The following ZMAT4 variants were observed in gnomAD, a reference collection of about 807,000 sequenced individuals.
ZMAT4 encodes the protein zinc finger matrin-type protein 4.
Under a neutral mutation model 28.7 loss-of-function variants are expected in ZMAT4, and 17 were observed. The ratio of observed to expected loss-of-function variants is 0.59; its 90% CI spans 0.41 to 0.89. The LOEUF is 0.89. Among genes scored for constraint, ZMAT4 ranks in the 40% least tolerant of loss-of-function variants. ZMAT4 has a pLI of 0.00. For synonymous variants in ZMAT4, 117 were observed against 109.2 expected (o/e 1.07, Z -0.44); for missense variants, 240 against 283.8 (o/e 0.85, Z 1.11).
chr8:40,673,637 G>T (rs1054653100), intron 5 of ZMAT4, among the ~76,000 whole-genome samples: 1 of 152,150 alleles, frequency 6.6e-6, no homozygotes, highest in Admixed American at 6.5e-5. Flanking sequence ...ATGCAATTTT[G>T]CTGTACTTCT....
At chr8:40,567,928 A>G (rs1803974116) in intron 6 of ZMAT4, among the ~76,000 whole-genome samples, 1 of 152,108 alleles carries the variant, frequency 6.6e-6, no homozygotes, top group Non-Finnish European at 1.5e-5. Flanking sequence ...AGAATATACT[A>G]TCAGTGGTAG....
intron 5 of ZMAT4, among the ~76,000 whole-genome samples, chr8:40,646,304 T>C (rs993670811): frequency 6.6e-6 from 1 of 151,966 alleles, no homozygotes; most frequent in African/African-American, 2.4e-5. Context: ...TTTTAGACTA[T>C]CATTTTTATT....
rs558723304 is a variant in ZMAT4 at position 40,789,562 on chromosome 8, T to C, written c.103-21832A>G. ...TTTTAAAATAACTAGGAGAGTATAA[T>C]TGGACTGTTTGTAACACAAAGAAAA... On this transcript the variant is annotated intron_variant, in intron 2 of 6. Transcript: ENST00000297737. Among the ~76,000 whole-genome samples, 93 of 152,292 alleles carry C rather than the reference T, an allele frequency of 6.1e-4. 1 individual carries two copies. The highest frequency in any genetic ancestry group is 2.2e-3 in the African/African-American group (91 of 41,572).
At chr8:40,734,650 C>G (rs1267084379) in intron 3 of ZMAT4, among the ~76,000 whole-genome samples, 1 of 152,178 alleles carries the variant, frequency 6.6e-6, no homozygotes. Context: ...TCTCCCAACT[C>G]TCTGTAGAAA....
At chr8:40,599,295 C>A (rs1345231429) in intron 5 of ZMAT4, among the ~76,000 whole-genome samples, 2 of 152,012 alleles carry the variant, frequency 1.3e-5, no homozygotes, top group African/African-American at 2.4e-5. Context: ...CAATTTTGAT[C>A]TATAATTTAG....
chr8:40,774,906 A>C (rs1681647558), intron 2 of ZMAT4, among the ~76,000 whole-genome samples: 1 of 152,220 alleles, frequency 6.6e-6, no homozygotes, highest in African/African-American at 2.4e-5. Context: ...TCCAATAATC[A>C]GATGGAAAAA....
At chr8:40,808,469 T>A (rs1406763909) in intron 2 of ZMAT4, 3 of 433,786 alleles carry the variant, frequency 6.9e-6, no homozygotes, top group Non-Finnish European at 1.4e-5. Flanking sequence ...AACATCTTTC[T>A]AACGGTTGAC....
chr8:40,716,932 C>T (rs1345874008), intron 3 of ZMAT4, among the ~76,000 whole-genome samples: 1 of 152,164 alleles, frequency 6.6e-6, no homozygotes, highest in Non-Finnish European at 1.5e-5. Context: ...GCCTTTTCTC[C>T]TCCTGTTCCC....
intron 5 of ZMAT4, among the ~76,000 whole-genome samples, chr8:40,664,304 G>C (rs188266617): frequency 3.9e-5 from 6 of 152,100 alleles, no homozygotes; most frequent in Non-Finnish European, 1.5e-5. Context: ...GGAGACAAAG[G>C]CCTCTCACCA....
Position 40,847,220 on chromosome 8 carries a change from A to C in ZMAT4, c.-4-21540T>G, listed in dbSNP as rs1293132193. Among the ~76,000 whole-genome samples, 114 of 111,280 alleles carry C rather than the reference A, an allele frequency of 1.0e-3. 1 individual carries two copies. Among genetic ancestry groups the C allele is most frequent in the African/African-American group, 4.1e-3 (111 of 26,882 alleles). The allele number at this position is 111,280 out of a possible 152,430, so 73.0% of individuals were successfully genotyped here. ...TTCCATCTAAAAAAACAAACAAACA[A>C]AAAAAAAAAACTGGGGGAAATCCAG... On this transcript the variant is annotated intron_variant, in intron 1 of 6. Coordinates refer to ENST00000297737, the MANE Select transcript of ZMAT4 (RefSeq NM_024645.3).
intron 6 of ZMAT4, among the ~76,000 whole-genome samples, chr8:40,557,697 G>C (rs1476531430): frequency 6.6e-6 from 1 of 152,150 alleles, no homozygotes; most frequent in Non-Finnish European, 1.5e-5. Context: ...CTCTCTGGCT[G>C]TCTCTTCCCA....
intron 5 of ZMAT4, among the ~76,000 whole-genome samples, chr8:40,608,882 C>A (rs1805694884): frequency 6.6e-6 from 1 of 152,192 alleles, no homozygotes; most frequent in Admixed American, 6.5e-5. Flanking sequence ...TGTTCAGGGG[C>A]AGACTTTCCC....
chr8:40,794,706 CCCCAGTGGACACAGGTATT>C (rs1202349297), intron 2 of ZMAT4, among the ~76,000 whole-genome samples: 3 of 152,156 alleles, frequency 2.0e-5, no homozygotes, highest in African/African-American at 7.2e-5. Flanking sequence ...ACTCTCCTTT[CCCCAGTGGACACAGGTATT>C]CCCAGGTCAG....
rs1264275683 is a variant in ZMAT4, at chr8:40,536,892, AG to A, written c.675-4655del. 9.5e-5 allele frequency among the ~76,000 whole-genome samples: 14 copies of A among 146,638 alleles called. No individual in the cohort carries two copies. The South Asian group carries it at 1.6e-3, about 16-fold the overall frequency. ...GAAAAGGGTGAATGTCAGCGGGATG[AG>A]GGGGTTTGGAGAAAAAAAAAAAGAG... On this transcript the variant is annotated intron_variant, in intron 6 of 6. Transcript: ENST00000297737.
intron 3 of ZMAT4, among the ~76,000 whole-genome samples, chr8:40,736,105 A>G (rs1345139844): frequency 1.3e-5 from 2 of 152,206 alleles, no homozygotes; most frequent in African/African-American, 4.8e-5. Flanking sequence ...ATTCAGACCT[A>G]CAGCCCATCA....
intron 3 of ZMAT4, among the ~76,000 whole-genome samples, chr8:40,727,304 C>T (rs1183231470): frequency 6.6e-6 from 1 of 152,152 alleles, no homozygotes; most frequent in African/African-American, 2.4e-5. Flanking sequence ...CAATCATATT[C>T]CCTCGTGTCT....
At chr8:40,735,136 C>T (rs527524418) in intron 3 of ZMAT4, among the ~76,000 whole-genome samples, 1 of 152,272 alleles carries the variant, frequency 6.6e-6, no homozygotes, top group South Asian at 2.1e-4. Context: ...CTCAGAACTC[C>T]AAATTTAATA....
chr8:40,621,657 GCAT>G (rs1806202409), intron 5 of ZMAT4, among the ~76,000 whole-genome samples: 2 of 152,200 alleles, frequency 1.3e-5, no homozygotes, highest in African/African-American at 4.8e-5. Context: ...CCTGCCTTGG[GCAT>G]GCTTAGTATC....
At chr8:40,616,173 A>G (rs1271654844) in intron 5 of ZMAT4, among the ~76,000 whole-genome samples, 1 of 152,236 alleles carries the variant, frequency 6.6e-6, no homozygotes, top group Non-Finnish European at 1.5e-5. Flanking sequence ...AATGCAAATC[A>G]AAACCACAAT....
Sources: allele counts gnomAD v4.1 joint callset (sites outside exome capture counted in the v4.1 genomes callset), GRCh38; gene constraint gnomAD v4.1.1; transcripts MANE v1.5; gene names NCBI Gene and HGNC (gene_info 2026-07-23, HGNC 2026-07-21).